DOCK1: variants seen among roughly 807,000 people sequenced by gnomAD.
DOCK1 encodes dedicator of cytokinesis protein 1.
Under a neutral mutation model 262.7 loss-of-function variants are expected in DOCK1, and 138 were observed. The observed-to-expected ratio is 0.53, with a 90% CI of 0.46 to 0.61. The LOEUF is 0.61. DOCK1 is among the 20% of genes least tolerant of loss of function. The pLI, the probability that DOCK1 is intolerant of heterozygous loss-of-function variation, is 0.00. For synonymous variants in DOCK1, 866 were observed against 867.4 expected (o/e 1.00, Z 0.03); for missense variants, 1,908 against 2,370.7 (o/e 0.80, Z 4.05).
chr10:126,965,211 T>C (rs1222636296), intron 1 of DOCK1, among the ~76,000 whole-genome samples: 1 of 152,114 alleles, frequency 6.6e-6, no homozygotes, highest in East Asian at 1.9e-4. Context: ...AATAATTCTG[T>C]TAGGGCCTGG....
intron 30 of DOCK1, among the ~76,000 whole-genome samples, chr10:127,342,626 A>G (rs1785425086): frequency 6.6e-6 from 1 of 152,230 alleles, no homozygotes; most frequent in Non-Finnish European, 1.5e-5. Context: ...TTCTCAGGTA[A>G]TTAAAAATAG....
intron 29 of DOCK1, among the ~76,000 whole-genome samples, chr10:127,278,881 G>A (rs2060842741): frequency 6.6e-6 from 1 of 152,154 alleles, no homozygotes. Flanking sequence ...GGTGATAGGG[G>A]CAAAAATTAA....
intron 15 of DOCK1, chr10:127,026,129 C>A: frequency 2.0e-6 from 1 of 497,442 alleles, no homozygotes; most frequent in Admixed American, 3.8e-5. Context: ...AAAAATTCAG[C>A]TGTGTCACGG....
chr10:127,308,539 A>C (rs982470469), intron 29 of DOCK1, among the ~76,000 whole-genome samples: 1 of 152,116 alleles, frequency 6.6e-6, no homozygotes, highest in Non-Finnish European at 1.5e-5. Flanking sequence ...TCTAGGTTTT[A>C]AGCCCCACAT....
intron 21 of DOCK1, among the ~76,000 whole-genome samples, 175 bp from the exon 22 acceptor site, chr10:127,052,506 A>G (rs937218775): frequency 6.8e-6 from 1 of 147,450 alleles, no homozygotes. Context: ...CCTGGGTGAC[A>G]GGGTGAAACT....
At chr10:127,346,637 AG>A (rs1414332100) in intron 31 of DOCK1, among the ~76,000 whole-genome samples, 3 of 152,158 alleles carry the variant, frequency 2.0e-5, no homozygotes, top group African/African-American at 7.2e-5. Context: ...TTAACCTCGA[AG>A]GGCCTTGGCT....
rs1159201595 is a variant in DOCK1, at chr10:126,981,991, G to A, written c.227+18G>A. 4 of 1,611,460 alleles carry A rather than the reference G, an allele frequency of 2.5e-6. No homozygotes were observed. Among genetic ancestry groups the A allele is most frequent in the Non-Finnish European group, 3.4e-6 (4 of 1,178,980 alleles). ...GGAAAAGGGTGAGTCTGGTCTTGATGTTTAAATGAAGAATTGCAAGTACTA... is the reference window on the plus strand; with the variant it reads ...GGAAAAGGGTGAGTCTGGTCTTGATATTTAAATGAAGAATTGCAAGTACTA... On this transcript the variant is annotated intron_variant, in intron 4 of 51. Coordinates refer to ENST00000623213, the MANE Select transcript of DOCK1 (RefSeq NM_001290223.2).
chr10:127,193,151 A>T (rs2056868853), intron 27 of DOCK1, among the ~76,000 whole-genome samples: 1 of 152,172 alleles, frequency 6.6e-6, no homozygotes, highest in Admixed American at 6.5e-5. Flanking sequence ...CATGCCAGCT[A>T]ATTTCTGGTT....
At chr10:126,938,582 T>C (rs2034714928) in intron 1 of DOCK1, among the ~76,000 whole-genome samples, 3 of 152,208 alleles carry the variant, frequency 2.0e-5, no homozygotes, top group African/African-American at 7.2e-5. Context: ...TTTGTGCTGC[T>C]AGGACAACAT....
In DOCK1 at chr10:126,995,313, G is replaced by C. The variant is rs1305190730; in HGVS notation, c.474-1435G>C. The stretch of plus-strand genomic sequence containing the variant: ...GTGGCTGGGAGGTGGAGGTTGTAGC[G>C]AGCCGAGATCATGCCACTGCACTCC... On this transcript the variant is annotated intron_variant, in intron 6 of 51. Coordinates refer to ENST00000623213, the MANE Select transcript of DOCK1 (RefSeq NM_001290223.2). This position sits in a 1 kb window ranked among gnomAD's most constrained non-coding sequence, Gnocchi z 5.8. Among the ~76,000 whole-genome samples the C allele has an allele frequency of 6.6e-6, 1 of 152,152 alleles. No homozygotes were observed. The highest frequency in any genetic ancestry group is 1.5e-5 in the Non-Finnish European group (1 of 68,028).
intron 24 of DOCK1, among the ~76,000 whole-genome samples, chr10:127,107,069 C>G (rs997505702): frequency 9.9e-5 from 15 of 152,176 alleles, no homozygotes; most frequent in Non-Finnish European, 7.3e-5. Context: ...GCACCCCTCC[C>G]GCCTCTGCCT....
At chr10:126,993,215 G>A (rs182370812) in intron 6 of DOCK1, among the ~76,000 whole-genome samples, 49 of 152,372 alleles carry the variant, frequency 3.2e-4, no homozygotes, top group East Asian at 1.9e-4. Flanking sequence ...CCGTCCTCTC[G>A]TGTGTTCCCT....
At chr10:127,149,652 G>A (rs894661524) in intron 27 of DOCK1, among the ~76,000 whole-genome samples, 3 of 152,164 alleles carry the variant, frequency 2.0e-5, no homozygotes, top group African/African-American at 4.8e-5. Context: ...TGCAAGACAG[G>A]CAGGGTCAAA....
At position 127,012,759 on chromosome 10, in the gene DOCK1, T is replaced by C. The variant is rs1488382623; in HGVS notation, c.1201+385T>C. 6.6e-6 allele frequency among the ~76,000 whole-genome samples: 1 copy of C among 151,540 alleles called. No individual in the cohort carries two copies. Among genetic ancestry groups the C allele is most frequent in the African/African-American group, 2.4e-5 (1 of 41,220 alleles). On this transcript the variant is annotated intron_variant, in intron 12 of 51. Transcript: ENST00000623213. This position sits in a 1 kb window ranked among gnomAD's most constrained non-coding sequence, Gnocchi z 4.0. ...TGCAGACTTGCTCCCCTGAGTTCTG[T>C]CATTTAAGTGATTTCTCCGCCCCTA... is the stretch of plus-strand genomic sequence containing the variant.
intron 43 of DOCK1, among the ~76,000 whole-genome samples, chr10:127,411,950 AT>A (rs1273983534): frequency 6.6e-6 from 1 of 151,808 alleles, no homozygotes; most frequent in African/African-American, 2.4e-5. Flanking sequence ...TTTTTTCTTT[AT>A]TTTTTTATTT....
chr10:127,392,966 G>A (rs908352534), intron 38 of DOCK1, among the ~76,000 whole-genome samples: 22 of 152,212 alleles, frequency 1.4e-4, no homozygotes, highest in South Asian at 6.2e-4. Flanking sequence ...ACAATCTTCC[G>A]TCCAAATGAC....
At chr10:126,907,008 C>T (rs1041543329) in intron 1 of DOCK1, among the ~76,000 whole-genome samples, 13 of 152,318 alleles carry the variant, frequency 8.5e-5, no homozygotes, top group African/African-American at 3.1e-4. Context: ...GGCCCAGACA[C>T]ATTCACAAAA....
At chr10:126,943,133 A>G (rs1365186610) in intron 1 of DOCK1, among the ~76,000 whole-genome samples, 1 of 150,954 alleles carries the variant, frequency 6.6e-6, no homozygotes, top group African/African-American at 2.4e-5. Flanking sequence ...GTGTGCCTGT[A>G]ATCCCAGCTA....
chr10:127,051,627 T>G (rs1223813181), intron 21 of DOCK1, among the ~76,000 whole-genome samples: 1 of 152,206 alleles, frequency 6.6e-6, no homozygotes, highest in Admixed American at 6.5e-5. Context: ...TTGTCGTCCA[T>G]GCTGGAGTGC....
Sources: gnomAD v4.1 joint callset for allele counts (sites outside exome capture counted in the v4.1 genomes callset) on GRCh38, gnomAD v4.1.1 for gene constraint, Gnocchi (gnomAD v3.1) non-coding constraint, MANE v1.5 for transcripts, NCBI Gene and HGNC (gene_info 2026-07-23, HGNC 2026-07-21) for gene names.